The following LARGE1 variants were observed in gnomAD, a reference collection of about 807,000 sequenced individuals.
LARGE1 encodes the protein xylosyl- and glucuronyltransferase LARGE1.
Under a neutral mutation model 87.6 loss-of-function variants are expected in LARGE1, and 43 were observed. The observed-to-expected ratio is 0.49, with a 90% CI of 0.38 to 0.63. The LOEUF (loss-of-function observed/expected upper bound fraction) is 0.63, where lower values mean the gene tolerates loss of function less well. LARGE1 is among the 30% of genes least tolerant of loss of function. The probability of loss-of-function intolerance (pLI) is 0.00; values close to 1 mark genes in which losing one functional copy is unlikely to be tolerated. For missense variants in LARGE1, 802 were observed against 1,000.2 expected (o/e 0.80, Z 2.67); for synonymous variants, 434 against 394.6 (o/e 1.10, Z -1.18).
chr22:33,170,011 C>A (rs1013423589), intron 11 of LARGE1, among the ~76,000 whole-genome samples: 2 of 152,044 alleles, frequency 1.3e-5, no homozygotes, highest in Non-Finnish European at 2.9e-5. Context: ...TGTGTTGAAA[C>A]CTAAGCTCCA....
intron 6 of LARGE1, among the ~76,000 whole-genome samples, chr22:33,454,105 C>T (rs1423287830): frequency 6.6e-6 from 1 of 152,186 alleles, no homozygotes; most frequent in Non-Finnish European, 1.5e-5. Flanking sequence ...GTTGTGTATG[C>T]ATCATTGCTT....
intron 9 of LARGE1, among the ~76,000 whole-genome samples, chr22:33,379,195 C>T (rs1362565828): frequency 1.1e-4 from 16 of 147,506 alleles, no homozygotes; most frequent in African/African-American, 4.0e-4. Context: ...TTTTGAGTGT[C>T]GTAAAGTCTT....
At chr22:33,337,534 G>T in intron 10 of LARGE1, 112 bp downstream of exon 10, 1 of 1,291,502 alleles carries the variant, frequency 7.7e-7, no homozygotes, top group Non-Finnish European at 1.1e-6. Flanking sequence ...CGATGGCGTT[G>T]TGTTCACCTA....
intron 12 of LARGE1, among the ~76,000 whole-genome samples, chr22:33,290,869 T>A (rs184228326): frequency 6.6e-6 from 1 of 152,208 alleles, no homozygotes; most frequent in Admixed American, 6.5e-5. Context: ...TGAAACCCTG[T>A]CTCTACTAAA....
chr22:33,739,335 C>T (rs2083788248), intron 2 of LARGE1, among the ~76,000 whole-genome samples: 1 of 152,132 alleles, frequency 6.6e-6, no homozygotes, highest in African/African-American at 2.4e-5. Flanking sequence ...GTTCCTGCCC[C>T]TGGGCATCTG....
At chr22:33,849,897 G>A (rs928519273) in intron 1 of LARGE1, among the ~76,000 whole-genome samples, 4 of 152,138 alleles carry the variant, frequency 2.6e-5, no homozygotes, top group African/African-American at 9.6e-5. Context: ...CACTGCGCCC[G>A]GACTCCTTTA....
Position 33,283,294 on chromosome 22 carries a change from G to A in LARGE1, c.1785C>T (p.Pro595=), listed in dbSNP as rs751341620. ...LANTKKAMIV[P]AFETLRYRLS... is the part of the protein sequence containing the mutation. ...GCCGGTAGCGCAGTGTCTCGAACGC[G>A]GGGACAATCATTGCTTTCTTGGTGT... is the stretch of plus-strand genomic sequence containing the variant. Residue 595 remains proline (P), a synonymous_variant, in exon 13 of 15, where the codon CCC becomes CCT. Coordinates refer to ENST00000397394, the MANE Select transcript of LARGE1 (RefSeq NM_133642.5). The A allele has an allele frequency of 2.3e-5, 37 of 1,613,986 alleles. No individual in the cohort carries two copies. Among genetic ancestry groups the A allele is most frequent in the African/African-American group, 6.7e-5 (5 of 74,894 alleles).
intron 2 of LARGE1, chr22:33,750,923 A>G (rs1440578335): frequency 1.3e-5 from 2 of 152,244 alleles, no homozygotes; most frequent in Non-Finnish European, 2.9e-5. Context: ...ATGATCTCTA[A>G]AGAAAAGTTT....
intron 2 of LARGE1, among the ~76,000 whole-genome samples, chr22:33,695,648 G>A (rs142266153): frequency 9.2e-5 from 14 of 152,234 alleles, no homozygotes; most frequent in African/African-American, 3.1e-4. Flanking sequence ...TTTCAAAACA[G>A]TAAGATAGTC....
chr22:33,493,153 C>T (rs956571332), intron 6 of LARGE1, among the ~76,000 whole-genome samples: 2 of 146,778 alleles, frequency 1.4e-5, no homozygotes, highest in African/African-American at 5.0e-5. Context: ...AGCATGGTGG[C>T]CTTTTTTTTT....
At chr22:33,299,571 G>C (rs558735271) in intron 12 of LARGE1, among the ~76,000 whole-genome samples, 1 of 152,320 alleles carries the variant, frequency 6.6e-6, no homozygotes, top group South Asian at 2.1e-4. Context: ...GCAATGGCGG[G>C]GGTTGGGTTG....
At chr22:33,898,946 T>C (rs758468702) in intron 1 of LARGE1, among the ~76,000 whole-genome samples, 3 of 152,324 alleles carry the variant, frequency 2.0e-5, no homozygotes, top group Non-Finnish European at 4.4e-5. Flanking sequence ...ACTGTATCCA[T>C]CGGGAAGTGA....
intron 4 of LARGE1, among the ~76,000 whole-genome samples, chr22:33,610,587 A>G (rs759306809): frequency 6.6e-5 from 10 of 152,172 alleles, no homozygotes; most frequent in Non-Finnish European, 1.5e-4. Flanking sequence ...AAAAATTTGG[A>G]AATTTCGTAG....
At chr22:33,760,143 C>T in intron 2 of LARGE1, among the ~76,000 whole-genome samples, 1 of 152,194 alleles carries the variant, frequency 6.6e-6, no homozygotes, top group East Asian at 1.9e-4. Flanking sequence ...GTTGTGACTT[C>T]CTTGAGACAG....
intron 3 of LARGE1, 122 bp downstream of exon 3, chr22:33,650,245 C>A (rs2149180814): frequency 4.8e-6 from 6 of 1,252,942 alleles, no homozygotes; most frequent in South Asian, 2.4e-5. Context: ...ACTTACACAC[C>A]CGGGCTAGAA....
At chr22:33,783,392 C>T (rs2085491418) in intron 1 of LARGE1, among the ~76,000 whole-genome samples, 3 of 152,086 alleles carry the variant, frequency 2.0e-5, no homozygotes, top group Admixed American at 2.0e-4. Flanking sequence ...TGGCAAAACC[C>T]CATCTCTACT....
chr22:33,357,911 G>C (rs1238657511), intron 9 of LARGE1, among the ~76,000 whole-genome samples: 4 of 152,094 alleles, frequency 2.6e-5, no homozygotes, highest in Admixed American at 2.6e-4. Flanking sequence ...AAAGTCATGA[G>C]GATGACTTTA....
chr22:33,143,287 T>G, the LARGE1 span, among the ~76,000 whole-genome samples: 1 of 152,114 alleles, frequency 6.6e-6, no homozygotes, highest in African/African-American at 2.4e-5. Flanking sequence ...GGGTCAACTT[T>G]CCTTAATATA....
At chr22:33,830,069 T>C (rs926768936) in intron 1 of LARGE1, among the ~76,000 whole-genome samples, 2 of 152,158 alleles carry the variant, frequency 1.3e-5, no homozygotes, top group Non-Finnish European at 2.9e-5. Flanking sequence ...TAACATACCA[T>C]GTGCCCACCA....
Sources: allele counts gnomAD v4.1 joint callset (sites outside exome capture counted in the v4.1 genomes callset), GRCh38; gene constraint gnomAD v4.1.1; transcripts MANE v1.5; gene names NCBI Gene and HGNC (gene_info 2026-07-23, HGNC 2026-07-21).